The following ROBO1 variants were observed in gnomAD, a reference collection of about 807,000 sequenced individuals.
ROBO1 encodes roundabout guidance receptor 1.
A neutral mutation model predicts 195.9 loss-of-function variants in ROBO1; 149 were observed. The observed-to-expected ratio is 0.76, with a 90% CI of 0.67 to 0.87. The LOEUF is 0.87. Ranked by LOEUF, ROBO1 falls within the 40% of genes least tolerant of loss-of-function variation. The pLI is 0.00. For synonymous variants in ROBO1, 816 were observed against 733.2 expected, an observed-to-expected ratio of 1.11 and a Z score of -1.82; for missense variants, 1,933 against 2,068.3, an observed-to-expected ratio of 0.93 and a Z score of 1.27.
intron 2 of ROBO1, among the ~76,000 whole-genome samples, chr3:79,523,107 T>C (rs1941276493): frequency 6.6e-6 from 1 of 152,052 alleles, no homozygotes; most frequent in Non-Finnish European, 1.5e-5. Context: ...CTGATCAGTA[T>C]TGATGGGCTT....
intron 2 of ROBO1, among the ~76,000 whole-genome samples, chr3:79,336,000 C>T (rs2034651386): frequency 6.6e-6 from 1 of 152,116 alleles, no homozygotes; most frequent in Non-Finnish European, 1.5e-5. Context: ...TGACATTTTT[C>T]CCCTGCCCTA....
intron 2 of ROBO1, among the ~76,000 whole-genome samples, chr3:79,237,976 T>C (rs1362113329): frequency 1.3e-5 from 2 of 152,164 alleles, no homozygotes; most frequent in Non-Finnish European, 2.9e-5. Context: ...CGGTCTTCTG[T>C]CACACCTGAC....
intron 2 of ROBO1, among the ~76,000 whole-genome samples, chr3:79,357,784 C>G (rs987328528): frequency 1.3e-5 from 2 of 152,162 alleles, no homozygotes; most frequent in African/African-American, 4.8e-5. Context: ...TTGCTAACCT[C>G]TAGCACTAAC....
chr3:79,386,700 A>G (rs552527313), intron 2 of ROBO1, among the ~76,000 whole-genome samples: 101 of 152,222 alleles, frequency 6.6e-4, no homozygotes, highest in Middle Eastern at 3.4e-3. Flanking sequence ...TGAGATAAGA[A>G]ACAATACTTC....
At chr3:79,481,464 T>G (rs1291270559) in intron 2 of ROBO1, among the ~76,000 whole-genome samples, 1 of 152,212 alleles carries the variant, frequency 6.6e-6, no homozygotes, top group Non-Finnish European at 1.5e-5. Context: ...TTTGTGACTA[T>G]TATTTACATT....
intron 4 of ROBO1, among the ~76,000 whole-genome samples, chr3:78,921,937 C>T (rs1363917056): frequency 6.6e-6 from 1 of 151,974 alleles, no homozygotes; most frequent in Non-Finnish European, 1.5e-5. Flanking sequence ...CTGGCGTGCA[C>T]CACCATGCCC....
intron 5 of ROBO1, among the ~76,000 whole-genome samples, chr3:78,736,176 A>T (rs1046129720): frequency 6.6e-6 from 1 of 152,182 alleles, no homozygotes; most frequent in Admixed American, 6.5e-5. Context: ...TGGAAATAAA[A>T]TTAACAAAAT....
chr3:78,717,359 C>A lies in ROBO1; in HGVS notation c.833G>T (p.Ser278Ile). The part of the protein sequence containing the change: ...PSNLAVTVDD[S>I]AEFKCEARGD... ...TCGGGCCTCACATTTAAATTCTGCA[C>A]TGTCATCCACAGTTACTGCCAAGTT... The change falls in exon 7 of 31, where the codon AGT becomes ATT. Residue 278 changes from serine (S) to isoleucine (I), a missense_variant. Coordinates refer to ENST00000464233, the MANE Select transcript of ROBO1 (RefSeq NM_002941.4). The A allele has an allele frequency of 1.2e-6, 2 of 1,613,388 alleles. No homozygotes were observed. The highest frequency in any genetic ancestry group is 1.7e-6 in the Non-Finnish European group (2 of 1,179,534).
intron 3 of ROBO1, among the ~76,000 whole-genome samples, chr3:79,049,570 A>C (rs1286934722): frequency 6.6e-6 from 1 of 152,126 alleles, no homozygotes; most frequent in Non-Finnish European, 1.5e-5. Context: ...ACTCCTCGAG[A>C]AGAGCAACCC....
chr3:79,638,579 C>G lies in ROBO1; in HGVS notation c.-50-48618G>C, dbSNP rs149251620. ...ACAGACGTGAGCCACCGTGCCCAGC[C>G]TTAATGGTCTGATTTTGAAGAACCT... On this transcript the variant is annotated intron_variant, in intron 1 of 30. Coordinates refer to ENST00000464233, the MANE Select transcript of ROBO1 (RefSeq NM_002941.4). Among the ~76,000 whole-genome samples the G allele has an allele frequency of 4.5e-3, 683 of 152,112 alleles. 3 individuals are homozygous for G. The highest frequency in any genetic ancestry group is 0.015 in the African/African-American group (631 of 41,502).
intron 3 of ROBO1, among the ~76,000 whole-genome samples, chr3:79,082,707 A>C (rs1174874382): frequency 6.6e-6 from 1 of 152,054 alleles, no homozygotes; most frequent in Non-Finnish European, 1.5e-5. Context: ...GTGTCTTACT[A>C]TGTTACCCTC....
At chr3:79,494,550 T>A (rs1162816766) in intron 2 of ROBO1, among the ~76,000 whole-genome samples, 1 of 151,792 alleles carries the variant, frequency 6.6e-6, no homozygotes, top group Non-Finnish European at 1.5e-5. Context: ...CAAATGAAGA[T>A]GAAACAAAAC....
chr3:79,187,286 T>C (rs2081457790), intron 2 of ROBO1, among the ~76,000 whole-genome samples: 1 of 152,002 alleles, frequency 6.6e-6, no homozygotes, highest in African/African-American at 2.4e-5. Flanking sequence ...CTGGAAGAGA[T>C]ACCAAATAGG....
At chr3:79,186,473 C>T (rs936670928) in intron 2 of ROBO1, among the ~76,000 whole-genome samples, 1 of 151,970 alleles carries the variant, frequency 6.6e-6, no homozygotes, top group African/African-American at 2.4e-5. Context: ...CCAATATGTC[C>T]ATCTTCACTA....
rs373273198 is a variant in ROBO1 at position 79,090,179 on chromosome 3, C to A, written c.172+35277G>T. 1.1e-4 allele frequency among the ~76,000 whole-genome samples: 17 copies of A among 152,164 alleles called. No individual in the cohort carries two copies. In the Middle Eastern group the frequency reaches 0.01, roughly 91 times the overall value. Reference sequence around the variant, plus strand: ...GGTCTCGAACTCCTGACCTCGTGATCCACCCGCCTCAGCCTCCCAAAGTGC... The same window carrying A: ...GGTCTCGAACTCCTGACCTCGTGATACACCCGCCTCAGCCTCCCAAAGTGC... On this transcript the variant is annotated intron_variant, in intron 3 of 30. Transcript: ENST00000464233.
At chr3:78,719,760 A>G (rs564325881) in intron 5 of ROBO1, among the ~76,000 whole-genome samples, 2 of 152,302 alleles carry the variant, frequency 1.3e-5, no homozygotes, top group East Asian at 3.9e-4. Context: ...TTAAGACATC[A>G]GTGCTAGGTA....
rs192654894 is a variant in ROBO1 at position 78,947,012 on chromosome 3, G to A, written c.173-8085C>T. ...TATGCACCCAATACAGGAGCACCCAGATTCACAAAGCAAGACCTTAGTGAC... is the reference window on the plus strand; with the variant it reads ...TATGCACCCAATACAGGAGCACCCAAATTCACAAAGCAAGACCTTAGTGAC... On this transcript the variant is annotated intron_variant, in intron 3 of 30. Transcript: ENST00000464233. Among the ~76,000 whole-genome samples, 57 of 152,284 alleles carry A rather than the reference G, an allele frequency of 3.7e-4. No homozygotes were observed. In the East Asian group the frequency reaches 0.011, roughly 28 times the overall value.
At chr3:79,118,153 A>G (rs994786105) in intron 3 of ROBO1, among the ~76,000 whole-genome samples, 4 of 152,028 alleles carry the variant, frequency 2.6e-5, no homozygotes, top group African/African-American at 9.7e-5. Context: ...TAGTAGAGTC[A>G]TTTCCAAAGC....
chr3:79,284,712 T>C (rs1559790186), intron 2 of ROBO1, among the ~76,000 whole-genome samples: 1 of 152,278 alleles, frequency 6.6e-6, no homozygotes, highest in East Asian at 1.9e-4. Flanking sequence ...AATGGAAAAT[T>C]AGCAAAGTCT....
Sources: allele counts gnomAD v4.1 joint callset (sites outside exome capture counted in the v4.1 genomes callset), GRCh38; gene constraint gnomAD v4.1.1; transcripts MANE v1.5; gene names NCBI Gene and HGNC (gene_info 2026-07-23, HGNC 2026-07-21).